EXD3: variants seen among roughly 807,000 people sequenced by gnomAD.
EXD3 encodes exonuclease 3'-5' domain containing 3.
A neutral mutation model predicts 98.0 loss-of-function variants in EXD3; 92 were observed. The ratio of observed to expected loss-of-function variants is 0.94; its 90% CI spans 0.79 to 1.12. EXD3 has a LOEUF of 1.12. Ranked by LOEUF, EXD3 falls within the 50% of genes most tolerant of loss-of-function variation. The probability of loss-of-function intolerance (pLI) is 0.00; values close to 1 mark genes in which losing one functional copy is unlikely to be tolerated. For missense variants in EXD3, 1,222 were observed against 1,191.6 expected (o/e 1.03, Z -0.38); for synonymous variants, 569 against 526.0 (o/e 1.08, Z -1.12).
chr9:137,324,082 A>T lies in EXD3; in HGVS notation c.2052+8T>A. On this transcript the variant is annotated splice_region_variant and intron_variant, in intron 18 of 21. Coordinates refer to ENST00000340951, the MANE Select transcript of EXD3 (RefSeq NM_017820.5). The surrounding 1 kb of genome is among the most constrained non-coding windows in gnomAD (Gnocchi z 4.1). ...CAGGCCCACTGAGCTTATCTTTGGG[A>T]CACTCACCTTGTGGAATGGCTGCCC... 6.3e-7 allele frequency: 1 copy of T among 1,583,742 alleles called. No homozygotes were observed. Among genetic ancestry groups the T allele is most frequent in the Non-Finnish European group, 8.6e-7 (1 of 1,165,776 alleles).
chr9:137,318,295 G>A (rs781304704), intron 19 of EXD3, among the ~76,000 whole-genome samples: 23 of 152,166 alleles, frequency 1.5e-4, no homozygotes, highest in African/African-American at 3.4e-4. Flanking sequence ...CTTCCCAGGC[G>A]CCCATGAGCT....
intron 3 of EXD3, among the ~76,000 whole-genome samples, chr9:137,379,042 G>A (rs1393491161): frequency 4.3e-5 from 5 of 116,016 alleles, no homozygotes; most frequent in African/African-American, 1.8e-4. Context: ...GCCTGGGGCC[G>A]AGGGGAATGG....
At chr9:137,308,504 T>TGAGTGTG (rs1831175192) in intron 20 of EXD3, among the ~76,000 whole-genome samples, 1 of 152,190 alleles carries the variant, frequency 6.6e-6, no homozygotes, top group East Asian at 1.9e-4. Context: ...GGCTCTGGTC[T>TGAGTGTG]GAGTGTGTCT....
chr9:137,380,216 A>C, intron 3 of EXD3, among the ~76,000 whole-genome samples: 1 of 145,624 alleles, frequency 6.9e-6, no homozygotes. Context: ...ACTGGTCTTC[A>C]CTCCTCATTC....
rs772462771 is a variant in EXD3, at chr9:137,373,487, G to A, written c.233C>T (p.Ala78Val). 1.2e-6 allele frequency: 2 copies of A among 1,608,872 alleles called. No homozygotes were observed. The highest frequency in any genetic ancestry group is 1.7e-5 in the Admixed American group (1 of 59,508). The stretch of plus-strand genomic sequence containing the variant: ...GCACTGCAGCTGGTGGGAGATCCAG[G>A]CCGCCAGGGAGGGGCCCTCTCCCCG... ...GQRGEGPSLAAWISHQLQCWL... is the reference protein window; with the variant it reads ...GQRGEGPSLAVWISHQLQCWL... Residue 78 changes from alanine (A) to valine (V), a missense_variant, in exon 4 of 22, where the codon GCC (alanine) becomes GTC (valine). Physicochemically the swap from Ala to Val is moderately conservative, Grantham distance 64. Transcript: ENST00000340951.
intron 1 of EXD3, among the ~76,000 whole-genome samples, chr9:137,415,115 T>C (rs899084646): frequency 2.0e-5 from 3 of 152,102 alleles, no homozygotes; most frequent in Non-Finnish European, 4.4e-5. Context: ...CTTGAACTCC[T>C]GACCACAAGC....
At chr9:137,370,984 G>C (rs958072420) in intron 5 of EXD3, among the ~76,000 whole-genome samples, 43 of 152,340 alleles carry the variant, frequency 2.8e-4, no homozygotes, top group Non-Finnish European at 1.8e-4. Flanking sequence ...AGGCCTGAAT[G>C]CGGCCTCTTT....
At chr9:137,375,156 G>A (rs1167613335) in intron 3 of EXD3, among the ~76,000 whole-genome samples, 11 of 152,246 alleles carry the variant, frequency 7.2e-5, no homozygotes, top group African/African-American at 2.6e-4. Context: ...CTATAGGCGC[G>A]CGCCACCATG....
chr9:137,356,459 G>C lies in EXD3; in HGVS notation c.657-91C>G. 4.7e-6 allele frequency: 4 copies of C among 855,450 alleles called. No individual in the cohort carries two copies. In the South Asian group the frequency reaches 6.0e-5, roughly 13 times the overall value. The allele number at this position is 855,450 out of a possible 1,614,324, so 53.0% of individuals were successfully genotyped here. A position where few individuals can be genotyped will look rare whatever the true frequency, so the allele number is the denominator to read the frequency against. ...TTCATCATAGTCATATGCATGCATAGTTTAAACCTCAAGTGAGGTTTATAA... is the reference window on the plus strand; with the variant it reads ...TTCATCATAGTCATATGCATGCATACTTTAAACCTCAAGTGAGGTTTATAA... On this transcript the variant is annotated intron_variant, in intron 7 of 21. Transcript: ENST00000340951.
intron 3 of EXD3, among the ~76,000 whole-genome samples, chr9:137,379,636 C>T (rs1279294865): frequency 6.6e-6 from 1 of 151,944 alleles, no homozygotes; most frequent in Non-Finnish European, 1.5e-5. Context: ...CACGACTGGG[C>T]GCTCCAGGCC....
chr9:137,334,619 C>A (rs1276965058), intron 17 of EXD3, among the ~76,000 whole-genome samples: 2 of 152,032 alleles, frequency 1.3e-5, no homozygotes, highest in Non-Finnish European at 2.9e-5. Context: ...AAGACTCGAA[C>A]CATAAACATT....
intron 20 of EXD3, 46 bp downstream of exon 20, chr9:137,309,561 C>A: frequency 2.0e-6 from 3 of 1,494,598 alleles, no homozygotes; most frequent in Non-Finnish European, 2.7e-6. Context: ...GTAGGTCGAC[C>A]CATCCCAGGC....
chr9:137,408,638 G>A (rs929565158), intron 1 of EXD3, among the ~76,000 whole-genome samples: 1 of 151,308 alleles, frequency 6.6e-6, no homozygotes, highest in Non-Finnish European at 1.5e-5. Context: ...GGCCCTCCAG[G>A]GACGTCCAGC....
Position 137,419,440 on chromosome 9 carries a change from C to T in EXD3, c.-48+3674G>A, listed in dbSNP as rs544974271. Among the ~76,000 whole-genome samples the T allele has an allele frequency of 3.3e-5, 5 of 152,152 alleles. No homozygotes were observed. In the South Asian group the frequency reaches 6.2e-4, roughly 19 times the overall value. ...ATCCCAACACTTCGGGAGGCTGAGG[C>T]GGGTGGATCACTTGAGGTCAGGAGT... On this transcript the variant is annotated intron_variant, in intron 1 of 21. Transcript: ENST00000340951.
intron 2 of EXD3, among the ~76,000 whole-genome samples, chr9:137,389,675 C>T (rs1045721915): frequency 6.6e-6 from 1 of 152,020 alleles, no homozygotes; most frequent in Non-Finnish European, 1.5e-5. Context: ...ACAGTGAGAC[C>T]AGCAAGGAGC....
At position 137,373,078 on chromosome 9, in the gene EXD3, A is replaced by G; in HGVS notation, c.295-6T>C. 1 of 1,561,506 alleles carries G rather than the reference A, an allele frequency of 6.4e-7. No individual in the cohort carries two copies. The highest frequency in any genetic ancestry group is 2.2e-5 in the East Asian group (1 of 44,480). ...TGCTTCAGCCTCAGGCTGTGCTGGA[A>G]GAGCAGGGACCCAGACTTACTGGAC... is the stretch of plus-strand genomic sequence containing the variant. On this transcript the variant is annotated splice_polypyrimidine_tract_variant and splice_region_variant and intron_variant, in intron 4 of 21. Coordinates refer to ENST00000340951, the MANE Select transcript of EXD3 (RefSeq NM_017820.5).
chr9:137,350,874 C>T (rs1834261549), intron 14 of EXD3, among the ~76,000 whole-genome samples, 164 bp downstream of exon 14: 2 of 152,102 alleles, frequency 1.3e-5, no homozygotes, highest in Non-Finnish European at 2.9e-5. Context: ...GATGCCAGAT[C>T]CAGCTCTGCC....
chr9:137,390,409 G>A (rs1328814895), intron 2 of EXD3, among the ~76,000 whole-genome samples: 2 of 150,564 alleles, frequency 1.3e-5, no homozygotes, highest in African/African-American at 4.9e-5. Context: ...TCCAGCCTGG[G>A]CGACAGAGCA....
At chr9:137,390,706 TCCCTCATGTCA>T (rs1301136419) in intron 2 of EXD3, among the ~76,000 whole-genome samples, 4 of 152,150 alleles carry the variant, frequency 2.6e-5, no homozygotes, top group Admixed American at 6.5e-5. Flanking sequence ...CCCTCCGGTC[TCCCTCATGTCA>T]CCCTCATGTC....
Sources: gnomAD v4.1 joint callset for allele counts (sites outside exome capture counted in the v4.1 genomes callset) on GRCh38, gnomAD v4.1.1 for gene constraint, Gnocchi (gnomAD v3.1) non-coding constraint, MANE v1.5 for transcripts, NCBI Gene and HGNC (gene_info 2026-07-23, HGNC 2026-07-21) for gene names.